Variants in CDK5RAP2 observed in about 807,000 individuals in gnomAD.
CDK5RAP2 encodes the protein CDK5 regulatory subunit associated protein 2.
CDK5RAP2 carries 147 observed loss-of-function variants against 232.9 expected under a neutral mutation model. That is an observed-to-expected ratio of 0.63 (90% CI 0.55 to 0.72). The LOEUF (loss-of-function observed/expected upper bound fraction) is 0.72, where lower values mean the gene tolerates loss of function less well. Ranked by LOEUF, CDK5RAP2 falls within the 30% of genes least tolerant of loss-of-function variation. The pLI is 0.00. For synonymous variants in CDK5RAP2, 833 were observed against 833.7 expected, an observed-to-expected ratio of 1.00 and a Z score of 0.01; for missense variants, 2,195 against 2,231.5, an observed-to-expected ratio of 0.98 and a Z score of 0.33.
intron 31 of CDK5RAP2, 165 bp from the exon 32 acceptor site, chr9:120,407,413 GGCA>G: frequency 3.0e-6 from 2 of 661,516 alleles, no homozygotes; most frequent in Non-Finnish European, 5.5e-6. Flanking sequence ...CAAAAATATT[GGCA>G]GACTTAATTG....
At chr9:120,528,718 C>T (rs41305509) in intron 9 of CDK5RAP2, 26 bp downstream of exon 9, 3 of 1,438,400 alleles carry the variant, frequency 2.1e-6, no homozygotes, top group African/African-American at 1.4e-5. Context: ...ATCTTCAATA[C>T]ATTTTTTAAA....
At chr9:120,546,685 T>C (rs1239022096) in intron 4 of CDK5RAP2, among the ~76,000 whole-genome samples, 3 of 152,160 alleles carry the variant, frequency 2.0e-5, no homozygotes, top group African/African-American at 7.2e-5. Flanking sequence ...CAGCCTGGAG[T>C]GCAGTGGTAC....
rs572544331 is a variant in CDK5RAP2 at position 120,520,660 on chromosome 9, C to A, written c.1093-2015G>T. 3.5e-3 allele frequency among the ~76,000 whole-genome samples: 528 copies of A among 150,852 alleles called. 5 individuals carry two copies. Among genetic ancestry groups the A allele is most frequent in the African/African-American group, 0.011 (471 of 41,402 alleles). ...TCTGTCTCAAAAAATATATATATAT[C>A]TCTCTCTCATATATCACATATCATA... On this transcript the variant is annotated intron_variant, in intron 11 of 37. Transcript: ENST00000349780.
At chr9:120,536,877 A>T (rs2041414453) in intron 6 of CDK5RAP2, among the ~76,000 whole-genome samples, 2 of 152,136 alleles carry the variant, frequency 1.3e-5, no homozygotes, top group Non-Finnish European at 2.9e-5. Flanking sequence ...CATAATTTCC[A>T]TACAAATTCA....
chr9:120,543,371 T>C (rs1031576739), intron 5 of CDK5RAP2, among the ~76,000 whole-genome samples: 1 of 152,248 alleles, frequency 6.6e-6, no homozygotes, highest in African/African-American at 2.4e-5. Flanking sequence ...CTGCTTTCCA[T>C]GTGATTTTAA....
chr9:120,401,623 A>AAG (rs1216155625), intron 34 of CDK5RAP2, among the ~76,000 whole-genome samples: 2 of 151,058 alleles, frequency 1.3e-5, no homozygotes, highest in East Asian at 3.9e-4. Context: ...AAAAAAAAAA[A>AAG]AAAAAAAAAA....
At chr9:120,463,053 A>C (rs2037178008) in intron 18 of CDK5RAP2, among the ~76,000 whole-genome samples, 1 of 152,108 alleles carries the variant, frequency 6.6e-6, no homozygotes, top group Non-Finnish European at 1.5e-5. Flanking sequence ...TATTAGGAGA[A>C]AGTCTTTCCC....
chr9:120,417,224 C>T (rs544151153), intron 27 of CDK5RAP2, among the ~76,000 whole-genome samples: 1 of 151,736 alleles, frequency 6.6e-6, no homozygotes, highest in East Asian at 1.9e-4. Context: ...AAATTCCTGG[C>T]GCCCACGGCA....
intron 15 of CDK5RAP2, among the ~76,000 whole-genome samples, chr9:120,472,670 AGAG>A (rs895796775): frequency 3.3e-5 from 5 of 152,162 alleles, no homozygotes; most frequent in Non-Finnish European, 7.3e-5. Flanking sequence ...TTATTCTGGG[AGAG>A]GAGATGTAGT....
intron 15 of CDK5RAP2, among the ~76,000 whole-genome samples, chr9:120,475,621 A>T (rs771544589): frequency 3.3e-5 from 5 of 151,258 alleles, no homozygotes; most frequent in Non-Finnish European, 5.9e-5. Flanking sequence ...ACCACTTGCC[A>T]AGTGAAAATG....
At chr9:120,556,229 C>T (rs867341900) in intron 3 of CDK5RAP2, among the ~76,000 whole-genome samples, 1 of 152,162 alleles carries the variant, frequency 6.6e-6, no homozygotes, top group South Asian at 2.1e-4. Context: ...GTTCATCCAA[C>T]ACCTAAAATT....
At chr9:120,401,215 C>G (rs1331217852) in intron 34 of CDK5RAP2, among the ~76,000 whole-genome samples, 1 of 151,832 alleles carries the variant, frequency 6.6e-6, no homozygotes, top group African/African-American at 2.4e-5. Context: ...CAGAGACTCG[C>G]CCAGAGAAAA....
intron 15 of CDK5RAP2, among the ~76,000 whole-genome samples, chr9:120,472,525 G>A (rs559581271): frequency 6.6e-6 from 1 of 152,152 alleles, no homozygotes; most frequent in Admixed American, 6.5e-5. Context: ...AAGGGTGGGG[G>A]ACAGGTGGGA....
chr9:120,462,090 A>C (rs2037124007), intron 18 of CDK5RAP2, among the ~76,000 whole-genome samples: 2 of 152,216 alleles, frequency 1.3e-5, no homozygotes, highest in Admixed American at 1.3e-4. Context: ...TTTTTATAGA[A>C]ACTTCCCAGG....
At chr9:120,509,030 T>C (rs1189416221) in intron 12 of CDK5RAP2, among the ~76,000 whole-genome samples, 1 of 152,104 alleles carries the variant, frequency 6.6e-6, no homozygotes, top group Non-Finnish European at 1.5e-5. Context: ...AGCAATTCCA[T>C]ATAAAAACTG....
At chr9:120,491,211 G>C in intron 13 of CDK5RAP2, 96 bp downstream of exon 13, 1 of 950,316 alleles carries the variant, frequency 1.1e-6, no homozygotes. Flanking sequence ...ACATAGCAAT[G>C]ATTACTGTAA....
At chr9:120,559,951 C>A (rs889667968) in intron 3 of CDK5RAP2, among the ~76,000 whole-genome samples, 2 of 152,148 alleles carry the variant, frequency 1.3e-5, no homozygotes, top group African/African-American at 4.8e-5. Context: ...GAAAAACCAA[C>A]AACATAAAAA....
chr9:120,511,891 C>G (rs1262556396), intron 12 of CDK5RAP2, among the ~76,000 whole-genome samples: 3 of 152,068 alleles, frequency 2.0e-5, no homozygotes, highest in African/African-American at 7.2e-5. Context: ...GTGTCTGCCA[C>G]CACACCCAGC....
intron 12 of CDK5RAP2, among the ~76,000 whole-genome samples, chr9:120,516,133 T>C (rs975029697): frequency 9.9e-5 from 15 of 152,024 alleles, no homozygotes; most frequent in Non-Finnish European, 1.8e-4. Flanking sequence ...CCAACAATGA[T>C]AGACTGGATT....
Sources: allele counts gnomAD v4.1 joint callset (sites outside exome capture counted in the v4.1 genomes callset), GRCh38; gene constraint gnomAD v4.1.1; transcripts MANE v1.5; gene names NCBI Gene and HGNC (gene_info 2026-07-23, HGNC 2026-07-21).